The following TACC3 variants were observed in gnomAD, a reference collection of about 807,000 sequenced individuals.
TACC3 encodes the protein transforming acidic coiled-coil-containing protein 3.
Under a neutral mutation model 86.0 loss-of-function variants are expected in TACC3, and 52 were observed. The ratio of observed to expected loss-of-function variants is 0.60; its 90% CI spans 0.48 to 0.76. The LOEUF (loss-of-function observed/expected upper bound fraction) is 0.76, where lower values mean the gene tolerates loss of function less well. Ranked by LOEUF, TACC3 falls within the 30% of genes least tolerant of loss-of-function variation. The pLI is 0.00. For synonymous variants in TACC3, 512 were observed against 430.0 expected (o/e 1.19, Z -2.36); for missense variants, 1,120 against 1,070.4 (o/e 1.05, Z -0.65).
Position 1,731,152 on chromosome 4 carries a change from G to T in TACC3, c.1462-20G>T, listed in dbSNP as rs1438928733. The T allele has an allele frequency of 6.2e-7, 1 of 1,612,964 alleles. No homozygotes were observed. Among genetic ancestry groups the T allele is most frequent in the East Asian group, 2.2e-5 (1 of 44,886 alleles). ...GTACCTTGACTGCACTGCACAGGGT[G>T]ACTCTGCCCTTTCCTCCAGGAGAGA... On this transcript the variant is annotated intron_variant, in intron 5 of 15. Transcript: ENST00000313288.
rs753442422 is a variant in TACC3 at position 1,731,307 on chromosome 4, T to C, written c.1591+6T>C. The stretch of plus-strand genomic sequence containing the variant: ...CTTCAGAGACCCCGCTGAGGGTACG[T>C]TGCCTGGCACAGACGTCACACACAG... On this transcript the variant is annotated splice_donor_region_variant and intron_variant, in intron 6 of 15. Coordinates refer to ENST00000313288, the MANE Select transcript of TACC3 (RefSeq NM_006342.3). The C allele has an allele frequency of 2.1e-5, 34 of 1,612,690 alleles. No individual in the cohort carries two copies. The Admixed American group carries it at 2.8e-4, about 13-fold the overall frequency.
At chr4:1,741,159 C>T in intron 13 of TACC3, 173 bp downstream of exon 13, 2 of 585,940 alleles carry the variant, frequency 3.4e-6, no homozygotes, top group Non-Finnish European at 2.8e-6. Context: ...CACAGCATAG[C>T]TGGTTTGCGA....
intron 5 of TACC3, 77 bp from the exon 6 acceptor site, chr4:1,731,094 AC>A (rs1717985304): frequency 1.2e-6 from 2 of 1,600,368 alleles, no homozygotes; most frequent in African/African-American, 2.7e-5. Flanking sequence ...GTCTACTTCA[AC>A]AAGGTTGTGG....
Position 1,744,594 on chromosome 4 carries a change from T to A in TACC3, c.2300T>A (p.Leu767Gln). The A allele has an allele frequency of 6.2e-7, 1 of 1,613,202 alleles. No homozygotes were observed. Among genetic ancestry groups the A allele is most frequent in the Non-Finnish European group, 8.5e-7 (1 of 1,179,970 alleles). The change falls in exon 14 of 16, where the codon CTG (leucine) becomes CAG (glutamine). Residue 767 changes from leucine to glutamine, a missense_variant. By Grantham distance (113) the Leu-to-Gln change is moderately radical (BLOSUM62 -2). Transcript: ENST00000313288. ...CAGGAGGGCCAGAGGTACCAAGCCCTGAAGGCCCACGCGGAGGAGAAGCTG... is the reference window on the plus strand; with the variant it reads ...CAGGAGGGCCAGAGGTACCAAGCCCAGAAGGCCCACGCGGAGGAGAAGCTG... Reference protein sequence around the residue: ...ITQEGQRYQALKAHAEEKLQL... With the variant: ...ITQEGQRYQAQKAHAEEKLQL...
intron 10 of TACC3, 86 bp from the exon 11 acceptor site, chr4:1,739,616 G>T: frequency 7.9e-7 from 1 of 1,271,600 alleles, no homozygotes; most frequent in Non-Finnish European, 1.1e-6. Context: ...AGGGACCTCG[G>T]GTGCGGGCTG....
chr4:1,729,930 G>T (rs1287351313), intron 4 of TACC3, among the ~76,000 whole-genome samples: 1 of 152,208 alleles, frequency 6.6e-6, no homozygotes, highest in Admixed American at 6.5e-5. Context: ...GCCCTCCAGT[G>T]GCCCTGTCCG....
At position 1,735,790 on chromosome 4, in the gene TACC3, G is replaced by T. The variant is rs142274425; in HGVS notation, c.1704G>T (p.Arg568Ser). 6.2e-7 allele frequency: 1 copy of T among 1,610,682 alleles called. No homozygotes were observed. The highest frequency in any genetic ancestry group is 1.3e-5 in the African/African-American group (1 of 74,842). ...SLYLKFDPLLRDSPGRPVPVA... is the reference protein window; with the variant it reads ...SLYLKFDPLLSDSPGRPVPVA... ...ACCTCAAGTTCGACCCCCTCCTGAG[G>T]GACAGTCCTGGTAGACCAGTGCCCG... The change falls in exon 8 of 16, where the codon AGG (arginine) becomes AGT (serine). Residue 568 changes from arginine (R) to serine (S), a missense_variant. Arg to Ser is a moderately radical substitution (Grantham distance 110). Coordinates refer to ENST00000313288, the MANE Select transcript of TACC3 (RefSeq NM_006342.3). This position sits in a 1 kb window ranked among gnomAD's most constrained non-coding sequence, Gnocchi z 4.2.
At chr4:1,741,280 C>A (rs1175644130) in intron 13 of TACC3, 1 of 263,874 alleles carries the variant, frequency 3.8e-6, no homozygotes, top group Non-Finnish European at 7.2e-6. Flanking sequence ...TTTGAGACAG[C>A]GCTGGTGCAC....
intron 3 of TACC3, among the ~76,000 whole-genome samples, chr4:1,726,913 G>C (rs1019476806): frequency 6.6e-6 from 1 of 152,146 alleles, no homozygotes; most frequent in Admixed American, 6.5e-5. Context: ...GATCACCTAA[G>C]GTCAGGAGTT....
In TACC3 at chr4:1,737,328, T is replaced by G. The variant is rs1276768412; in HGVS notation, c.1836T>G (p.Pro612=). ...EFDFLGALDI[P]VPGPPPGVPA... is the part of the protein sequence containing the mutation. Reference sequence around the variant, plus strand: ...ATTTCTTGGGAGCACTGGACATTCCTGTAAGTCCTTGAGTCCCTCTTGAAC... The same window carrying G: ...ATTTCTTGGGAGCACTGGACATTCCGGTAAGTCCTTGAGTCCCTCTTGAAC... Residue 612 remains proline (P), a splice_region_variant and synonymous_variant, in exon 9 of 16, where the codon CCT becomes CCG. Coordinates refer to ENST00000313288, the MANE Select transcript of TACC3 (RefSeq NM_006342.3). 2 of 1,613,616 alleles carry G rather than the reference T, an allele frequency of 1.2e-6. No homozygotes were observed. The highest frequency in any genetic ancestry group is 2.2e-5 in the East Asian group (1 of 44,898).
Position 1,735,434 on chromosome 4 carries a change from C to A in TACC3, c.1644+109C>A. The stretch of plus-strand genomic sequence containing the variant: ...TGGTGCCCACGTCCCCCCAGCTGCA[C>A]ACAGGCCCAGGCATTGTGGCGGGCT... On this transcript the variant is annotated intron_variant, in intron 7 of 15. Coordinates refer to ENST00000313288, the MANE Select transcript of TACC3 (RefSeq NM_006342.3). The surrounding 1 kb of genome is among the most constrained non-coding windows in gnomAD (Gnocchi z 4.2). 7.8e-7 allele frequency: 1 copy of A among 1,282,266 alleles called. No homozygotes were observed. Among genetic ancestry groups the A allele is most frequent in the Non-Finnish European group, 1.1e-6 (1 of 890,398 alleles). The allele number at this position is 1,282,266 out of a possible 1,614,324, so 79.4% of individuals were successfully genotyped here. A position where few individuals can be genotyped will look rare whatever the true frequency, so the allele number is the denominator to read the frequency against.
intron 6 of TACC3, among the ~76,000 whole-genome samples, chr4:1,734,583 C>T (rs1414852170): frequency 6.6e-6 from 1 of 152,212 alleles, no homozygotes; most frequent in Non-Finnish European, 1.5e-5. Context: ...CAAGACTCCT[C>T]CTCTACCAAA....
intron 3 of TACC3, among the ~76,000 whole-genome samples, chr4:1,724,219 G>C (rs570109727): frequency 6.6e-6 from 1 of 151,482 alleles, no homozygotes; most frequent in Non-Finnish European, 1.5e-5. Context: ...TGATGCGCCC[G>C]CCTTGGCCTC....
chr4:1,735,466 C>A lies in TACC3; in HGVS notation c.1644+141C>A. On this transcript the variant is annotated intron_variant, in intron 7 of 15. Coordinates refer to ENST00000313288, the MANE Select transcript of TACC3 (RefSeq NM_006342.3). The surrounding 1 kb of genome is among the most constrained non-coding windows in gnomAD (Gnocchi z 4.2). Reference sequence around the variant, plus strand: ...CCAGGCATTGTGGCGGGCTGTGAATCCAGGGCCCCTTCTGCAGCACCTCCT... The same window carrying A: ...CCAGGCATTGTGGCGGGCTGTGAATACAGGGCCCCTTCTGCAGCACCTCCT... 1.0e-6 allele frequency: 1 copy of A among 989,580 alleles called. No individual in the cohort carries two copies. The highest frequency in any genetic ancestry group is 1.5e-6 in the Non-Finnish European group (1 of 650,158). The allele number at this position is 989,580 out of a possible 1,614,324, so 61.3% of individuals were successfully genotyped here. A position where few individuals can be genotyped will look rare whatever the true frequency, so the allele number is the denominator to read the frequency against.
In TACC3 at chr4:1,731,238, A is replaced by C. The variant is rs899250002; in HGVS notation, c.1528A>C (p.Thr510Pro). The change falls in exon 6 of 16, where the codon ACC becomes CCC. Residue 510 changes from threonine (T) to proline (P), a missense_variant. Transcript: ENST00000313288. The part of the protein sequence containing the change: ...TSCPGSEPVP[T>P]HQQGQPALEL... ...CTGTCCAGGCAGTGAGCCAGTGCCC[A>C]CCCATCAGCAGGGGCAGCCTGCCTT... 9 of 1,613,202 alleles carry C rather than the reference A, an allele frequency of 5.6e-6. No individual in the cohort carries two copies. The African/African-American group carries it at 6.7e-5, about 12-fold the overall frequency.
chr4:1,740,310 C>T, intron 12 of TACC3: 3 of 517,798 alleles, frequency 5.8e-6, no homozygotes, highest in East Asian at 3.3e-5. Flanking sequence ...CCACTCCACC[C>T]TGCCCTCGCC....
chr4:1,744,822 T>G lies in TACC3; in HGVS notation c.2441T>G (p.Val814Gly), dbSNP rs1367146084. 1 of 1,612,786 alleles carries G rather than the reference T, an allele frequency of 6.2e-7. No individual in the cohort carries two copies. The highest frequency in any genetic ancestry group is 8.5e-7 in the Non-Finnish European group (1 of 1,180,036). The change falls in exon 15 of 16, where the codon GTG becomes GGG. Residue 814 changes from valine (V) to glycine (G), a missense_variant. By Grantham distance (109) the Val-to-Gly change is moderately radical. Transcript: ENST00000313288. ...QMRIQSLEKT[V>G]EQKTKENEEL... Reference sequence around the variant, plus strand: ...CGCATCCAGTCGCTGGAGAAGACAGTGGAGCAGAAGGTGGGTGCGGGAAGC... The same window carrying G: ...CGCATCCAGTCGCTGGAGAAGACAGGGGAGCAGAAGGTGGGTGCGGGAAGC...
chr4:1,739,644 G>A, intron 10 of TACC3, 58 bp from the exon 11 acceptor site: 5 of 1,500,978 alleles, frequency 3.3e-6, no homozygotes, highest in Non-Finnish European at 4.5e-6. Context: ...CCTGTGGGGA[G>A]GTCCTGGGAG....
rs1292772471 is a variant in TACC3, at chr4:1,737,635, G to C, written c.1874G>C (p.Gly625Ala). ...GPPPGVPAPG[G>A]PPLSTGPIVD... Reference sequence around the variant, plus strand: ...CCCCCAGGTGTTCCCGCGCCTGGGGGCCCACCCCTGTCCACCGGACCTATA... The same window carrying C: ...CCCCCAGGTGTTCCCGCGCCTGGGGCCCCACCCCTGTCCACCGGACCTATA... Residue 625 changes from glycine (G) to alanine (A), a missense_variant, in exon 10 of 16, where the codon GGC becomes GCC. Gly to Ala is a moderately conservative substitution (Grantham distance 60, BLOSUM62 0). Transcript: ENST00000313288. 6.5e-7 allele frequency: 1 copy of C among 1,538,174 alleles called. No homozygotes were observed. Among genetic ancestry groups the C allele is most frequent in the Admixed American group, 2.0e-5 (1 of 49,544 alleles).
Sources: allele counts gnomAD v4.1 joint callset (sites outside exome capture counted in the v4.1 genomes callset), GRCh38; gene constraint gnomAD v4.1.1; non-coding constraint Gnocchi (gnomAD v3.1); transcripts MANE v1.5; gene names NCBI Gene and HGNC (gene_info 2026-07-23, HGNC 2026-07-21).